Variants in SASH1 observed in about 807,000 individuals in gnomAD.
SASH1 encodes the protein SAM and SH3 domain-containing protein 1.
A neutral mutation model predicts 125.2 loss-of-function variants in SASH1; 44 were observed. The ratio of observed to expected loss-of-function variants is 0.35; its 90% confidence interval spans 0.28 to 0.45. The LOEUF (loss-of-function observed/expected upper bound fraction) is 0.45. SASH1 is among the 20% of genes least tolerant of loss of function. SASH1 has a pLI of 1.00. For missense variants in SASH1, 1,426 were observed against 1,614.5 expected (o/e 0.88, Z 2.00); for synonymous variants, 639 against 649.1 (o/e 0.98, Z 0.24).
chr6:148,318,511 A>G (rs1486985584), intron 1 of SASH1, among the ~76,000 whole-genome samples: 1 of 151,464 alleles, frequency 6.6e-6, no homozygotes, highest in Non-Finnish European at 1.5e-5. Flanking sequence ...GAACATTGGC[A>G]GCTTCTTTTC....
chr6:148,307,614 C>CT (rs1391787419), intron 1 of SASH1, among the ~76,000 whole-genome samples: 2 of 152,128 alleles, frequency 1.3e-5, no homozygotes, highest in Non-Finnish European at 2.9e-5. Flanking sequence ...TGATCCCAGG[C>CT]TTCAAAGGTT....
chr6:148,307,324 GT>G (rs1780171703), intron 1 of SASH1, among the ~76,000 whole-genome samples: 2 of 151,920 alleles, frequency 1.3e-5, no homozygotes, highest in South Asian at 4.2e-4. Context: ...CGCCATGTTG[GT>G]CAGGCTGGTC....
Position 148,544,665 on chromosome 6 carries a change from C to T in SASH1, c.3195C>T (p.Pro1065=), listed in dbSNP as rs758923254. The part of the protein sequence containing the change: ...TRPPPWLSEL[P]ENTSLQEHGV... ...CGCCCCCCTGGCTCTCAGAGCTCCCCGAGAACACAAGCCTCCAGGAGCACG... is the reference window on the plus strand; with the variant it reads ...CGCCCCCCTGGCTCTCAGAGCTCCCTGAGAACACAAGCCTCCAGGAGCACG... Residue 1065 remains proline (P), a synonymous_variant, in exon 18 of 20, where the codon CCC becomes CCT. Coordinates refer to ENST00000367467, the MANE Select transcript of SASH1 (RefSeq NM_015278.5). This position sits in a 1 kb window ranked among gnomAD's most constrained non-coding sequence, Gnocchi z 6.4. The T allele has an allele frequency of 1.1e-5, 17 of 1,613,298 alleles. No homozygotes were observed. The highest frequency in any genetic ancestry group is 1.6e-4 in the Middle Eastern group (1 of 6,062).
At chr6:148,278,861 C>T (rs1411358649) in intron 1 of SASH1, 4 of 152,048 alleles carry the variant, frequency 2.6e-5, no homozygotes, top group Admixed American at 2.6e-4. Flanking sequence ...CTTGGAGGAA[C>T]TAATTATTTT....
At chr6:148,404,753 C>T (rs546769098) in intron 2 of SASH1, among the ~76,000 whole-genome samples, 135 of 118,402 alleles carry the variant, frequency 1.1e-3, no homozygotes, top group African/African-American at 4.3e-3. Context: ...TCTCCCAGCC[C>T]GTGCCCCACC....
intron 2 of SASH1, among the ~76,000 whole-genome samples, chr6:148,416,004 A>G (rs1354429471): frequency 6.6e-6 from 1 of 152,102 alleles, no homozygotes; most frequent in Non-Finnish European, 1.5e-5. Flanking sequence ...CCACACTTCA[A>G]GCCTACATCC....
chr6:148,284,852 C>T (rs904873847), intron 1 of SASH1, among the ~76,000 whole-genome samples: 11 of 152,100 alleles, frequency 7.2e-5, no homozygotes, highest in African/African-American at 2.4e-4. Flanking sequence ...AATTTTCTCC[C>T]GATAGAGTCC....
chr6:148,204,821 A>G, the SASH1 span, among the ~76,000 whole-genome samples: 276 of 152,262 alleles, frequency 1.8e-3, 1 homozygote, highest in African/African-American at 6.3e-3. Context: ...CCCAAATGAA[A>G]GTATATAAAA....
At chr6:148,496,611 G>T (rs1779320372) in intron 8 of SASH1, among the ~76,000 whole-genome samples, 1 of 152,154 alleles carries the variant, frequency 6.6e-6, no homozygotes, top group Admixed American at 6.5e-5. Context: ...ACTTTTATTG[G>T]CTGGGTGTGG....
intron 2 of SASH1, among the ~76,000 whole-genome samples, chr6:148,417,196 G>A (rs538032381): frequency 1.4e-4 from 21 of 152,284 alleles, no homozygotes; most frequent in African/African-American, 5.1e-4. Flanking sequence ...TAGAGAGTAG[G>A]GGAGGAGGGC....
intron 7 of SASH1, chr6:148,480,807 G>GA (rs1778584237): frequency 6.6e-6 from 1 of 152,350 alleles, no homozygotes; most frequent in South Asian, 2.1e-4. Context: ...ACCGTAAGCT[G>GA]AAAAATCACT....
chr6:148,404,511 G>A (rs964565422), intron 2 of SASH1, among the ~76,000 whole-genome samples: 1 of 151,890 alleles, frequency 6.6e-6, no homozygotes, highest in East Asian at 1.9e-4. Context: ...AATGTGCTTG[G>A]CACTTCAGTC....
intron 1 of SASH1, among the ~76,000 whole-genome samples, chr6:148,311,983 A>G (rs1266241957): frequency 6.6e-6 from 1 of 152,222 alleles, no homozygotes; most frequent in East Asian, 1.9e-4. Flanking sequence ...CTTCTGTTAC[A>G]CTGAGTCACC....
Position 148,532,640 on chromosome 6 carries a change from A to T in SASH1, c.1565-157A>T, listed in dbSNP as rs1329366550. On this transcript the variant is annotated intron_variant, in intron 13 of 19. Coordinates refer to ENST00000367467, the MANE Select transcript of SASH1 (RefSeq NM_015278.5). This position sits in a 1 kb window ranked among gnomAD's most constrained non-coding sequence, Gnocchi z 4.7. ...CTGAGGGATAGCACTCGGAGAATTC[A>T]TAACTGGGCCCTGCCCTGGTCCTGA... Among the ~76,000 whole-genome samples the T allele has an allele frequency of 1.3e-5, 2 of 152,206 alleles. No homozygotes were observed. The highest frequency in any genetic ancestry group is 4.1e-4 in the South Asian group (2 of 4,836).
intron 2 of SASH1, among the ~76,000 whole-genome samples, chr6:148,417,610 A>AAATAAATAAATAAATAAATAAATAAAT (rs1554254518): frequency 8.1e-5 from 7 of 86,380 alleles, no homozygotes; most frequent in African/African-American, 2.4e-4. Context: ...AATAAATAAA[A>AAATAAATAAATAAATAAATAAATAAAT]GAGCATGTAT....
intron 1 of SASH1, among the ~76,000 whole-genome samples, chr6:148,305,404 G>A (rs910271378): frequency 8.5e-5 from 13 of 152,088 alleles, no homozygotes; most frequent in African/African-American, 2.9e-4. Context: ...TCAGGAGTTC[G>A]AGATCACCCT....
intron 1 of SASH1, among the ~76,000 whole-genome samples, chr6:148,330,549 T>C (rs1780962611): frequency 6.6e-6 from 1 of 152,178 alleles, no homozygotes; most frequent in South Asian, 2.1e-4. Context: ...CAGTTAACAA[T>C]CTCTGGTCTC....
chr6:148,408,140 CTTTTTTTTTTT>C (rs35856337), intron 2 of SASH1, among the ~76,000 whole-genome samples: 6 of 119,228 alleles, frequency 5.0e-5, no homozygotes, highest in African/African-American at 1.9e-4. Flanking sequence ...GGCATCTTTC[CTTTTTTTTTTT>C]TTTTTTTTTG....
At chr6:148,442,491 AGTT>A (rs752533606) in intron 4 of SASH1, among the ~76,000 whole-genome samples, 25 of 152,114 alleles carry the variant, frequency 1.6e-4, no homozygotes, top group Non-Finnish European at 2.8e-4. Context: ...GTGGGCCACC[AGTT>A]GTTGACATTT....
Sources: gnomAD v4.1 joint callset for allele counts (sites outside exome capture counted in the v4.1 genomes callset) on GRCh38, gnomAD v4.1.1 for gene constraint, Gnocchi (gnomAD v3.1) non-coding constraint, MANE v1.5 for transcripts, NCBI Gene and HGNC (gene_info 2026-07-23, HGNC 2026-07-21) for gene names.